Variants in IL10RA observed in about 807,000 individuals in gnomAD.
IL10RA encodes interleukin-10 receptor subunit alpha.
In IL10RA, 18 loss-of-function variants were observed where a neutral mutation model predicts 29.6. The ratio of observed to expected loss-of-function variants is 0.61; its 90% CI spans 0.42 to 0.90. The LOEUF is 0.90. Among genes scored for constraint, IL10RA ranks in the 40% least tolerant of loss-of-function variants. The pLI is 0.00. For synonymous variants in IL10RA, 292 were observed against 294.1 expected (o/e 0.99, Z 0.07); for missense variants, 634 against 716.6 (o/e 0.88, Z 1.32).
chr11:117,993,308 A>AC lies in IL10RA; in HGVS notation c.438dup (p.Arg147GlnfsTer9). ...GCTTCATCCTCGGGAAGATTCAGCT[A>AC]CCCAGGCCCAAGATGGCCCCCGCAA... is the stretch of plus-strand genomic sequence containing the variant. On this transcript the variant is annotated frameshift_variant, in exon 4 of 7. Transcript: ENST00000227752. LOFTEE classifies it high-confidence loss of function. 1 of 1,613,814 alleles carries AC rather than the reference A, an allele frequency of 6.2e-7. No homozygotes were observed. The highest frequency in any genetic ancestry group is 8.5e-7 in the Non-Finnish European group (1 of 1,179,714).
At position 117,989,336 on chromosome 11, in the gene IL10RA, G is replaced by T; in HGVS notation, c.189-106G>T. ...AGGATATAGCCTGAGGGCTGTCCCA[G>T]TTTCTCCCAATGTGGGAGCTCTCTT... On this transcript the variant is annotated intron_variant, in intron 2 of 6. Transcript: ENST00000227752. The surrounding 1 kb of genome is among the most constrained non-coding windows in gnomAD (Gnocchi z 4.5). The T allele has an allele frequency of 9.8e-7, 1 of 1,024,842 alleles. No individual in the cohort carries two copies. Among genetic ancestry groups the T allele is most frequent in the Non-Finnish European group, 1.5e-6 (1 of 645,594 alleles). 63.5% of individuals were successfully genotyped at this position (1,024,842 alleles called of 1,614,324 possible).
At chr11:117,995,751 C>T (rs368678497) in intron 6 of IL10RA, 41 bp downstream of exon 6, 4 of 1,605,512 alleles carry the variant, frequency 2.5e-6, no homozygotes, top group Non-Finnish European at 3.4e-6. Flanking sequence ...CCTTCCCAGC[C>T]ACACCCGAGC....
rs751961432 is a variant in IL10RA, at chr11:117,989,613, G to T, written c.360G>T (p.Val120=). ...CCGTCACCAACACCCGCTTCTCTGT[G>T]GATGAAGGTGCTTTTCCTCCCTTGA... ...NWTVTNTRFS[V]DEVTLTVGSV... The change falls in exon 3 of 7, where the codon GTG becomes GTT. Residue 120 remains valine, a synonymous_variant. Coordinates refer to ENST00000227752, the MANE Select transcript of IL10RA (RefSeq NM_001558.4). This position sits in a 1 kb window ranked among gnomAD's most constrained non-coding sequence, Gnocchi z 4.5. 2 of 1,613,890 alleles carry T rather than the reference G, an allele frequency of 1.2e-6. No individual in the cohort carries two copies. The highest frequency in any genetic ancestry group is 4.5e-5 in the East Asian group (2 of 44,862).
At position 117,999,488 on chromosome 11, in the gene IL10RA, G is replaced by A. The variant is rs1394864192; in HGVS notation, c.1584G>A (p.Leu528=). The A allele has an allele frequency of 1.2e-6, 2 of 1,614,218 alleles. No individual in the cohort carries two copies. Among genetic ancestry groups the A allele is most frequent in the East Asian group, 2.2e-5 (1 of 44,872 alleles). ...CTGAGGAATGGTCACTCCTGGCCTT[G>A]AGCAGCTGCAGTGACCTGGGAATAT... is the stretch of plus-strand genomic sequence containing the variant. ...QPTEEWSLLA[L]SSCSDLGISD... is the part of the protein sequence containing the mutation. The change falls in exon 7 of 7, where the codon TTG becomes TTA. Residue 528 remains leucine, a synonymous_variant. Coordinates refer to ENST00000227752, the MANE Select transcript of IL10RA (RefSeq NM_001558.4).
chr11:117,990,974 A>G (rs560310133), intron 3 of IL10RA, among the ~76,000 whole-genome samples: 3 of 152,298 alleles, frequency 2.0e-5, no homozygotes, highest in African/African-American at 7.2e-5. Context: ...AGGTGGGTGG[A>G]TCACCTGAGG....
In IL10RA at chr11:118,000,646, T is replaced by C. The variant is rs2058089999; in HGVS notation, c.*1005T>C. 1 of 454,082 alleles carries C rather than the reference T, an allele frequency of 2.2e-6. No individual in the cohort carries two copies. Among genetic ancestry groups the C allele is most frequent in the African/African-American group, 2.0e-5 (1 of 49,986 alleles). The allele number at this position is 454,082 out of a possible 1,614,324, so 28.1% of individuals were successfully genotyped here. ...TGGGCTGGGGTCCCTGCCTTGTTGG[T>C]GTTCAGCTGTGTGATTTTGGACTAG... On this transcript the variant is annotated 3_prime_UTR_variant, in exon 7 of 7. Transcript: ENST00000227752.
chr11:117,996,254 G>A (rs1325100470), intron 6 of IL10RA, among the ~76,000 whole-genome samples: 1 of 152,128 alleles, frequency 6.6e-6, no homozygotes, highest in Non-Finnish European at 1.5e-5. Flanking sequence ...ACACTGGGGG[G>A]CGGTGGGGAT....
intron 3 of IL10RA, among the ~76,000 whole-genome samples, chr11:117,990,303 C>A (rs1454874362): frequency 1.3e-5 from 2 of 152,036 alleles, no homozygotes; most frequent in South Asian, 2.1e-4. Context: ...CAGGGCCCAG[C>A]CTCAGAAATT....
rs765841706 is a variant in IL10RA, at chr11:117,999,854, G to A, written c.*213G>A. On this transcript the variant is annotated 3_prime_UTR_variant, in exon 7 of 7. Transcript: ENST00000227752. ...CTGAACTAGTGCAGGGTATGTGGGTGGCACTGACCTGTTCTGTTGACTGGG... is the reference window on the plus strand; with the variant it reads ...CTGAACTAGTGCAGGGTATGTGGGTAGCACTGACCTGTTCTGTTGACTGGG... The A allele has an allele frequency of 2.9e-6, 2 of 692,386 alleles. No individual in the cohort carries two copies. The highest frequency in any genetic ancestry group is 3.0e-5 in the South Asian group (2 of 66,612). The allele number at this position is 692,386 out of a possible 1,614,324, so 42.9% of individuals were successfully genotyped here.
At chr11:117,990,258 C>T (rs926566609) in intron 3 of IL10RA, among the ~76,000 whole-genome samples, 9 of 152,156 alleles carry the variant, frequency 5.9e-5, no homozygotes, top group Admixed American at 1.3e-4. Context: ...GGTGCAGAAA[C>T]GTTTCCCAGC....
intron 3 of IL10RA, 44 bp from the exon 4 acceptor site, chr11:117,993,197 C>G (rs1295073008): frequency 3.2e-6 from 5 of 1,583,474 alleles, no homozygotes; most frequent in Non-Finnish European, 4.3e-6. Flanking sequence ...CCCTCCTCAG[C>G]CCTCAAGTCT....
intron 3 of IL10RA, chr11:117,992,941 A>G: frequency 2.4e-6 from 1 of 409,194 alleles, no homozygotes; most frequent in African/African-American, 2.0e-5. Context: ...CCATTTGTTG[A>G]AGAGACTGTT....
In IL10RA at chr11:117,988,366, A is replaced by T; in HGVS notation, c.68-16A>T. The T allele has an allele frequency of 6.2e-7, 1 of 1,613,878 alleles. No individual in the cohort carries two copies. On this transcript the variant is annotated splice_polypyrimidine_tract_variant and intron_variant, in intron 1 of 6. Transcript: ENST00000227752. ...GCCCCCCCTCCCAGCTGTGGTACTG[A>T]CACTCTTCTCCCCAGGGACAGAGCT...
intron 6 of IL10RA, among the ~76,000 whole-genome samples, chr11:117,997,714 GAGTA>G (rs1010940494): frequency 6.6e-6 from 1 of 152,170 alleles, no homozygotes; most frequent in African/African-American, 2.4e-5. Flanking sequence ...TGGGAATGTG[GAGTA>G]AGTGAGTGTG....
intron 3 of IL10RA, among the ~76,000 whole-genome samples, chr11:117,992,263 C>G (rs148626550): frequency 6.6e-6 from 1 of 152,162 alleles, no homozygotes; most frequent in Non-Finnish European, 1.5e-5. Flanking sequence ...TTTAGATTTT[C>G]GAGGAACATC....
Position 117,991,909 on chromosome 11 carries a change from A to G in IL10RA, c.368-1332A>G, listed in dbSNP as rs569790965. ...GCCACCATGCCCGGCTAATTTTTGT[A>G]TTTTTAATAGAGATGGGGTTTCACC... On this transcript the variant is annotated intron_variant, in intron 3 of 6. Transcript: ENST00000227752. Among the ~76,000 whole-genome samples the G allele has an allele frequency of 7.9e-5, 12 of 151,944 alleles. No homozygotes were observed. In the South Asian group the frequency reaches 2.1e-3, roughly 26 times the overall value.
At chr11:117,998,079 C>T (rs1053421465) in intron 6 of IL10RA, among the ~76,000 whole-genome samples, 1 of 152,178 alleles carries the variant, frequency 6.6e-6, no homozygotes, top group Non-Finnish European at 1.5e-5. Flanking sequence ...AGCCCCTTCA[C>T]TGTGAGTTCC....
At position 117,999,113 on chromosome 11, in the gene IL10RA, T is replaced by A. The variant is rs765340512; in HGVS notation, c.1209T>A (p.Ile403=). Residue 403 remains isoleucine (I), a synonymous_variant, in exon 7 of 7, where the codon ATT becomes ATA. Transcript: ENST00000227752. The part of the protein sequence containing the change: ...SNSRGQDDSG[I]DLVQNSEGRA... ...GCAGGGGCCAGGATGACAGTGGCAT[T>A]GACTTAGTTCAAAACTCTGAGGGCC... 2 of 1,611,872 alleles carry A rather than the reference T, an allele frequency of 1.2e-6. No individual in the cohort carries two copies. The highest frequency in any genetic ancestry group is 1.7e-6 in the Non-Finnish European group (2 of 1,178,078).
intron 4 of IL10RA, 89 bp from the exon 5 acceptor site, chr11:117,993,910 T>C: frequency 1.7e-6 from 2 of 1,161,452 alleles, no homozygotes; most frequent in Non-Finnish European, 2.6e-6. Context: ...GGGGGTTGGC[T>C]GAAATCACCT....
Sources: allele counts gnomAD v4.1 joint callset (sites outside exome capture counted in the v4.1 genomes callset), GRCh38; gene constraint gnomAD v4.1.1; non-coding constraint Gnocchi (gnomAD v3.1); transcripts MANE v1.5; gene names NCBI Gene and HGNC (gene_info 2026-07-23, HGNC 2026-07-21).